GNAL: variants seen among roughly 807,000 people sequenced by gnomAD.
GNAL encodes the protein G protein subunit alpha L, also known as guanine nucleotide-binding protein G(olf) subunit alpha.
A neutral mutation model predicts 55.1 loss-of-function variants in GNAL; 18 were observed. The ratio of observed to expected loss-of-function variants is 0.33; its 90% CI spans 0.23 to 0.48. The LOEUF is 0.48. Ranked by LOEUF, GNAL falls within the 20% of genes least tolerant of loss-of-function variation. The pLI, the probability that GNAL is intolerant of heterozygous loss-of-function variation, is 0.99. For synonymous variants in GNAL, 253 were observed against 237.0 expected (o/e 1.07, Z -0.62); for missense variants, 412 against 614.1 (o/e 0.67, Z 3.48).
intron 9 of GNAL, among the ~76,000 whole-genome samples, chr18:11,870,243 G>A (rs1022540366): frequency 2.0e-5 from 3 of 152,038 alleles, no homozygotes; most frequent in Non-Finnish European, 2.9e-5. Flanking sequence ...TTTAGGGGCC[G>A]GGAACAGTGG....
intron 5 of GNAL, among the ~76,000 whole-genome samples, chr18:11,841,503 G>A (rs2035612544): frequency 6.6e-6 from 1 of 151,870 alleles, no homozygotes; most frequent in South Asian, 2.1e-4. Flanking sequence ...AAAATTAGTC[G>A]GGCATGGTGA....
chr18:11,790,059 A>G (rs1325678746), intron 4 of GNAL, among the ~76,000 whole-genome samples: 1 of 152,266 alleles, frequency 6.6e-6, no homozygotes, highest in Non-Finnish European at 1.5e-5. Context: ...AGAACGCTCC[A>G]GTGGCCCAGG....
At chr18:11,690,023 C>G in intron 1 of GNAL, 84 bp downstream of exon 1, 1 of 793,278 alleles carries the variant, frequency 1.3e-6, no homozygotes, top group Non-Finnish European at 1.7e-6. Context: ...GGAGCGGTGG[C>G]GGGCACCGGG....
chr18:11,821,760 T>C (rs921134961), intron 4 of GNAL, among the ~76,000 whole-genome samples: 3 of 152,162 alleles, frequency 2.0e-5, no homozygotes, highest in African/African-American at 4.8e-5. Flanking sequence ...GATACTGATA[T>C]TTCTGCAGGA....
chr18:11,769,668 T>C (rs1032854147), intron 4 of GNAL, among the ~76,000 whole-genome samples: 2 of 152,216 alleles, frequency 1.3e-5, no homozygotes, highest in Non-Finnish European at 1.5e-5. Context: ...TTCAAACAAA[T>C]TGAAGTATAT....
intron 5 of GNAL, among the ~76,000 whole-genome samples, chr18:11,859,620 C>T (rs2036085187): frequency 2.0e-5 from 3 of 152,206 alleles, no homozygotes; most frequent in South Asian, 4.1e-4. Flanking sequence ...CCTTCTGGTG[C>T]GCAGTAGCAC....
At chr18:11,719,493 G>C (rs1250950055) in intron 1 of GNAL, among the ~76,000 whole-genome samples, 2 of 152,180 alleles carry the variant, frequency 1.3e-5, no homozygotes, top group African/African-American at 4.8e-5. Context: ...TATTCAAACA[G>C]AGGGAAACTG....
chr18:11,759,790 A>T (rs1421188642), intron 4 of GNAL, among the ~76,000 whole-genome samples: 1 of 152,204 alleles, frequency 6.6e-6, no homozygotes, highest in African/African-American at 2.4e-5. Context: ...TGTGTGCAGA[A>T]TCTCCAGAAT....
At chr18:11,742,402 A>G (rs964907030) in intron 1 of GNAL, among the ~76,000 whole-genome samples, 1 of 152,226 alleles carries the variant, frequency 6.6e-6, no homozygotes, top group African/African-American at 2.4e-5. Flanking sequence ...GAATCAGTTC[A>G]TCTAATCCTC....
rs1306854250 is a variant in GNAL at position 11,751,231 on chromosome 18, C to A, written c.377-1622C>A. ...CCCGGCCCCCTCTTCTGACCTCCTTCCCCCAAGTACAACACTGCAAACGCC... is the reference window on the plus strand; with the variant it reads ...CCCGGCCCCCTCTTCTGACCTCCTTACCCCAAGTACAACACTGCAAACGCC... On this transcript the variant is annotated intron_variant, in intron 1 of 11. Transcript: ENST00000334049. This position sits in a 1 kb window ranked among gnomAD's most constrained non-coding sequence, Gnocchi z 4.5. Among the ~76,000 whole-genome samples, 1 of 152,162 alleles carries A rather than the reference C, an allele frequency of 6.6e-6. No individual in the cohort carries two copies. The highest frequency in any genetic ancestry group is 1.5e-5 in the Non-Finnish European group (1 of 68,028).
intron 5 of GNAL, among the ~76,000 whole-genome samples, chr18:11,859,537 A>G (rs1045385476): frequency 3.7e-4 from 56 of 152,114 alleles, no homozygotes; most frequent in African/African-American, 1.3e-3. Flanking sequence ...AAGTCTCTCC[A>G]GCTCCCAGAG....
chr18:11,761,856 C>G (rs1300687278), intron 4 of GNAL, among the ~76,000 whole-genome samples: 2 of 152,224 alleles, frequency 1.3e-5, no homozygotes, highest in East Asian at 1.9e-4. Flanking sequence ...AAGGCATGTT[C>G]TCTGGTTTTT....
intron 5 of GNAL, among the ~76,000 whole-genome samples, chr18:11,860,897 G>C (rs1220930902): frequency 6.6e-6 from 1 of 152,150 alleles, no homozygotes; most frequent in Non-Finnish European, 1.5e-5. Context: ...TGCAGCTGAG[G>C]CTTCTCAAGT....
At position 11,884,391 on chromosome 18, in the gene GNAL, C is replaced by A. The variant is rs903676325; in HGVS notation, c.*3256C>A. ...ATCATCCACTTGATTCTAACATGAT[C>A]TCTGCCCAAAGTTCCATTTCTTGGG... is the stretch of plus-strand genomic sequence containing the variant. On this transcript the variant is annotated 3_prime_UTR_variant, in exon 12 of 12. Transcript: ENST00000334049. The A allele has an allele frequency of 1.1e-5, 18 of 1,565,470 alleles. No homozygotes were observed. Among genetic ancestry groups the A allele is most frequent in the African/African-American group, 1.1e-4 (8 of 73,856 alleles).
At position 11,818,294 on chromosome 18, in the gene GNAL, C is replaced by T. The variant is rs1351678777; in HGVS notation, c.625-6624C>T. Among the ~76,000 whole-genome samples the T allele has an allele frequency of 2.0e-5, 3 of 152,152 alleles. No homozygotes were observed. In the East Asian group the frequency reaches 5.8e-4, roughly 29 times the overall value. On this transcript the variant is annotated intron_variant, in intron 4 of 11. Coordinates refer to ENST00000334049, the MANE Select transcript of GNAL (RefSeq NM_182978.4). ...AGATCCAGACTTTTAACTTGATATT[C>T]ACCAGATACCTGAAAAAAGAAACAA...
At position 11,699,902 on chromosome 18, in the gene GNAL, C is replaced by G. The variant is rs190377568; in HGVS notation, c.376+9963C>G. The stretch of plus-strand genomic sequence containing the variant: ...GGGTAGCTTCATGGATTGCCGTACT[C>G]TATGAGGGATGTTGCTGGTGGGGAG... On this transcript the variant is annotated intron_variant, in intron 1 of 11. Coordinates refer to ENST00000334049, the MANE Select transcript of GNAL (RefSeq NM_182978.4). 3.3e-5 allele frequency among the ~76,000 whole-genome samples: 5 copies of G among 152,218 alleles called. No individual in the cohort carries two copies. The South Asian group carries it at 1.0e-3, about 32-fold the overall frequency.
At chr18:11,756,540 A>G (rs925767762) in intron 4 of GNAL, among the ~76,000 whole-genome samples, 2 of 151,392 alleles carry the variant, frequency 1.3e-5, no homozygotes, top group African/African-American at 4.8e-5. Context: ...ATGTATATTT[A>G]TATATTTTTA....
chr18:11,853,927 A>T (rs1000752397), intron 5 of GNAL: 1 of 166,628 alleles, frequency 6.0e-6, no homozygotes, highest in Non-Finnish European at 1.5e-5. Context: ...GGTTCAAGTG[A>T]TTCTCCTGCC....
intron 4 of GNAL, among the ~76,000 whole-genome samples, chr18:11,822,131 T>G (rs1287795341): frequency 6.6e-6 from 1 of 152,254 alleles, no homozygotes; most frequent in East Asian, 1.9e-4. Context: ...GCCCAGGGGC[T>G]TAGCGCGCCT....
Sources: gnomAD v4.1 joint callset for allele counts (sites outside exome capture counted in the v4.1 genomes callset) on GRCh38, gnomAD v4.1.1 for gene constraint, Gnocchi (gnomAD v3.1) non-coding constraint, MANE v1.5 for transcripts, NCBI Gene and HGNC (gene_info 2026-07-23, HGNC 2026-07-21) for gene names.